Variants in FBXO40 observed in about 807,000 individuals in gnomAD.
FBXO40 encodes the protein F-box only protein 40.
In FBXO40, 50 loss-of-function variants were observed where a neutral mutation model predicts 49.9. The observed-to-expected ratio is 1.00, with a 90% confidence interval of 0.80 to 1.27. The LOEUF (loss-of-function observed/expected upper bound fraction) is 1.27. FBXO40 is among the 50% of genes most tolerant of loss of function. The pLI, the probability that FBXO40 is intolerant of heterozygous loss-of-function variation, is 0.00. For missense variants in FBXO40, 895 were observed against 870.1 expected, an observed-to-expected ratio of 1.03 and a Z score of -0.36; for synonymous variants, 340 against 320.2, an observed-to-expected ratio of 1.06 and a Z score of -0.66.
Position 121,622,837 on chromosome 3 carries a change from A to C in FBXO40, c.1408A>C (p.Lys470Gln), listed in dbSNP as rs1318513237. Reference sequence around the variant, plus strand: ...CGAGTGTGTGACCAGGAGACACAACAAAAGCAGCTCTGCCTTCACTTTCAC... The same window carrying C: ...CGAGTGTGTGACCAGGAGACACAACCAAAGCAGCTCTGCCTTCACTTTCAC... Reference protein sequence around the residue: ...HSECVTRRHNKSSSAFTFTCN... With the variant: ...HSECVTRRHNQSSSAFTFTCN... Residue 470 changes from lysine to glutamine, a missense_variant, in exon 3 of 4, where the codon AAA (lysine) becomes CAA (glutamine). By Grantham distance (53) the Lys-to-Gln change is moderately conservative. Transcript: ENST00000338040. The C allele has an allele frequency of 3.1e-6, 5 of 1,614,108 alleles. No homozygotes were observed. The highest frequency in any genetic ancestry group is 4.2e-6 in the Non-Finnish European group (5 of 1,180,044).
chr3:121,623,305 T>C lies in FBXO40; in HGVS notation c.1876T>C (p.Tyr626His). 6.2e-7 allele frequency: 1 copy of C among 1,614,164 alleles called. No homozygotes were observed. The highest frequency in any genetic ancestry group is 1.1e-5 in the South Asian group (1 of 91,070). ...MVLLQWKKKR[Y>H]SHGGTSWRVH... ...CCTTTTGCAATGGAAGAAAAAGAGG[T>C]ATTCCCATGGAGGCACCTCCTGGAG... Residue 626 changes from tyrosine (Y) to histidine (H), a missense_variant, in exon 3 of 4, where the codon TAT (tyrosine) becomes CAT (histidine). Tyr to His is a moderately conservative substitution (Grantham distance 83). Coordinates refer to ENST00000338040, the MANE Select transcript of FBXO40 (RefSeq NM_016298.4).
intron 3 of FBXO40, among the ~76,000 whole-genome samples, chr3:121,626,247 G>T (rs3772128): frequency 0.22 from 33,362 of 151,868 alleles, 4,216 homozygotes; most frequent in Non-Finnish European, 0.29. Flanking sequence ...GTGCTCACTC[G>T]GTGGTCTCTG....
chr3:121,626,928 G>A lies in FBXO40; in HGVS notation c.*18G>A, dbSNP rs753992497. ...TCTCCTAAAAATTCAGATGCCACTC[G>A]ATGCACCCTTCTTGGATTTCTTCTC... On this transcript the variant is annotated 3_prime_UTR_variant, in exon 4 of 4. Transcript: ENST00000338040. 19 of 1,609,346 alleles carry A rather than the reference G, an allele frequency of 1.2e-5. No homozygotes were observed. The African/African-American group carries it at 1.5e-4, about 12-fold the overall frequency.
At chr3:121,607,729 T>C (rs1490347711) in intron 1 of FBXO40, among the ~76,000 whole-genome samples, 1 of 152,128 alleles carries the variant, frequency 6.6e-6, no homozygotes. Context: ...TAAAGTCTAG[T>C]TGCCAGACTT....
intron 1 of FBXO40, among the ~76,000 whole-genome samples, chr3:121,619,566 G>T (rs2049018127): frequency 6.6e-6 from 1 of 152,154 alleles, no homozygotes; most frequent in South Asian, 2.1e-4. Context: ...TTTGCATTGT[G>T]ATGAAATATA....
rs528828647 is a variant in FBXO40 at position 121,623,292 on chromosome 3, G to T, written c.1863G>T (p.Trp621Cys). Residue 621 changes from tryptophan to cysteine, a missense_variant, in exon 3 of 4, where the codon TGG becomes TGT. Physicochemically the swap from Trp to Cys is radical, Grantham distance 215. Transcript: ENST00000338040. The stretch of plus-strand genomic sequence containing the variant: ...AGAGAGGAATGGTCCTTTTGCAATG[G>T]AAGAAAAAGAGGTATTCCCATGGAG... ...LQERGMVLLQ[W>C]KKKRYSHGGT... 2 of 1,614,030 alleles carry T rather than the reference G, an allele frequency of 1.2e-6. No individual in the cohort carries two copies. The highest frequency in any genetic ancestry group is 1.7e-6 in the Non-Finnish European group (2 of 1,180,036).
chr3:121,607,598 C>G (rs374455518), intron 1 of FBXO40, among the ~76,000 whole-genome samples: 1 of 151,864 alleles, frequency 6.6e-6, no homozygotes, highest in Non-Finnish European at 1.5e-5. Context: ...CGTGAGCCAC[C>G]GCACCTGGCC....
chr3:121,618,448 G>A (rs1000061197), intron 1 of FBXO40, among the ~76,000 whole-genome samples: 2 of 147,274 alleles, frequency 1.4e-5, no homozygotes, highest in Admixed American at 6.9e-5. Flanking sequence ...GCGCAGTGGC[G>A]TGATCTCGAT....
At chr3:121,616,617 GAACA>G (rs2048998778) in intron 1 of FBXO40, among the ~76,000 whole-genome samples, 1 of 152,178 alleles carries the variant, frequency 6.6e-6, no homozygotes. Flanking sequence ...TGACTCTAAT[GAACA>G]ATAGTGTTTA....
At chr3:121,609,160 G>C (rs7611277) in intron 1 of FBXO40, among the ~76,000 whole-genome samples, 91,775 of 151,410 alleles carry the variant, frequency 0.61, 28,603 homozygotes, top group East Asian at 0.79. Flanking sequence ...GGGTACCAGA[G>C]GTTAAGATGC....
chr3:121,623,684 A>AG (rs1410236656), intron 3 of FBXO40, among the ~76,000 whole-genome samples: 9 of 132,694 alleles, frequency 6.8e-5, no homozygotes, highest in Non-Finnish European at 1.4e-4. Context: ...ATATTTTTAA[A>AG]GGCCTTTTTT....
chr3:121,603,745 G>C (rs1453397482), intron 1 of FBXO40, among the ~76,000 whole-genome samples: 1 of 151,876 alleles, frequency 6.6e-6, no homozygotes, highest in African/African-American at 2.4e-5. Context: ...TTGAGATGGA[G>C]TCTCACTCTG....
chr3:121,593,553 G>A (rs955815214), intron 1 of FBXO40, 51 bp downstream of exon 1: 2 of 152,162 alleles, frequency 1.3e-5, no homozygotes, highest in Admixed American at 6.5e-5. Flanking sequence ...ATTCAGTGGT[G>A]AATATGCAGA....
Position 121,621,946 on chromosome 3 carries a change from G to A in FBXO40, c.517G>A (p.Val173Met). The change falls in exon 3 of 4, where the codon GTG becomes ATG. Residue 173 changes from valine to methionine, a missense_variant. Transcript: ENST00000338040. ...ETSVEEMGGA[V>M]GGVDIGLVPH... ...CAGTGTGGAGGAAATGGGAGGAGCA[G>A]TGGGTGGAGTGGATATCGGTTTGGT... 1 of 1,614,230 alleles carries A rather than the reference G, an allele frequency of 6.2e-7. No individual in the cohort carries two copies. Among genetic ancestry groups the A allele is most frequent in the Non-Finnish European group, 8.5e-7 (1 of 1,180,038 alleles).
At chr3:121,601,367 T>C (rs2048900436) in intron 1 of FBXO40, among the ~76,000 whole-genome samples, 1 of 151,948 alleles carries the variant, frequency 6.6e-6, no homozygotes, top group Non-Finnish European at 1.5e-5. Flanking sequence ...ACTCATCGGG[T>C]GTAGCTCCAA....
At chr3:121,599,719 TATATA>T (rs2048891919) in intron 1 of FBXO40, among the ~76,000 whole-genome samples, 1 of 82,546 alleles carries the variant, frequency 1.2e-5, no homozygotes, top group African/African-American at 3.8e-5. Context: ...TATATATATA[TATATA>T]TTTTTTTTTT....
At chr3:121,598,981 C>T (rs973584444) in intron 1 of FBXO40, among the ~76,000 whole-genome samples, 3 of 152,172 alleles carry the variant, frequency 2.0e-5, no homozygotes, top group Non-Finnish European at 4.4e-5. Flanking sequence ...ATTTAAACTA[C>T]GTCCAGCACA....
chr3:121,598,169 T>C (rs1416533168), intron 1 of FBXO40, among the ~76,000 whole-genome samples: 1 of 152,014 alleles, frequency 6.6e-6, no homozygotes, highest in Non-Finnish European at 1.5e-5. Context: ...AGAATTCTCG[T>C]AGAAAGAGCA....
Position 121,621,687 on chromosome 3 carries a change from GGTGTGCCCCGCCAGC to G in FBXO40, c.262_276del (p.Cys88_Val92del), listed in dbSNP as rs767412351. 5.0e-6 allele frequency: 8 copies of G among 1,614,118 alleles called. No homozygotes were observed. Among genetic ancestry groups the G allele is most frequent in the Non-Finnish European group, 6.8e-6 (8 of 1,180,036 alleles). ...GCCACAAACTGGCCAAGCACCTGCAGGTGTGCCCCGCCAGCGTGGTCTGCTGCTCCATGGAGTGGA... is the reference window on the plus strand; with the variant it reads ...GCCACAAACTGGCCAAGCACCTGCAGGTGGTCTGCTGCTCCATGGAGTGGA... On this transcript the variant is annotated inframe_deletion, in exon 3 of 4. Transcript: ENST00000338040.
Sources: allele counts gnomAD v4.1 joint callset (sites outside exome capture counted in the v4.1 genomes callset), GRCh38; gene constraint gnomAD v4.1.1; transcripts MANE v1.5; gene names NCBI Gene and HGNC (gene_info 2026-07-23, HGNC 2026-07-21).